CMIP: variants seen among roughly 807,000 people sequenced by gnomAD.
CMIP encodes c-Maf inducing protein.
A neutral mutation model predicts 97.3 loss-of-function variants in CMIP; 13 were observed. That is an observed-to-expected ratio of 0.13 (90% CI 0.09 to 0.21). The LOEUF (loss-of-function observed/expected upper bound fraction) is 0.21, where lower values mean the gene tolerates loss of function less well. Among genes scored for constraint, CMIP ranks in the 10% least tolerant of loss-of-function variants. The pLI is 1.00. For synonymous variants in CMIP, 538 were observed against 436.3 expected (o/e 1.23, Z -2.91); for missense variants, 847 against 1,024.9 (o/e 0.83, Z 2.37).
chr16:81,678,320 G>A lies in CMIP; in HGVS notation c.1080G>A (p.Gln360=), dbSNP rs1195016390. 2 of 1,609,710 alleles carry A rather than the reference G, an allele frequency of 1.2e-6. No individual in the cohort carries two copies. Among genetic ancestry groups the A allele is most frequent in the East Asian group, 4.5e-5 (2 of 44,810 alleles). The change falls in exon 10 of 21, where the codon CAG becomes CAA. Residue 360 remains glutamine (Q), a synonymous_variant. Transcript: ENST00000537098. ...PSLKEIRNGC[Q]QPCDRKPTLP... ...TGAAGGAAATCCGGAACGGCTGCCAGCAGCCGTGCGACCGGAAGCCCACTT... is the reference window on the plus strand; with the variant it reads ...TGAAGGAAATCCGGAACGGCTGCCAACAGCCGTGCGACCGGAAGCCCACTT...
intron 3 of CMIP, among the ~76,000 whole-genome samples, chr16:81,639,937 G>A (rs998290858): frequency 2.0e-5 from 3 of 152,158 alleles, no homozygotes; most frequent in African/African-American, 7.2e-5. Flanking sequence ...GAAGCCCGGG[G>A]ATGTTAGCTG....
intron 1 of CMIP, among the ~76,000 whole-genome samples, chr16:81,561,162 C>G (rs1270128326): frequency 6.6e-6 from 1 of 152,196 alleles, no homozygotes; most frequent in Non-Finnish European, 1.5e-5. Flanking sequence ...ACCATGTTGA[C>G]CAGGCTGGTC....
At chr16:81,540,643 AGTGTGTGTGTGTGTGTGTGTGTGT>A (rs67286788) in intron 1 of CMIP, among the ~76,000 whole-genome samples, 1 of 141,872 alleles carries the variant, frequency 7.0e-6, no homozygotes, top group Non-Finnish European at 1.5e-5. Flanking sequence ...TCTTGTTTTG[AGTGTGTGTGTGTGTGTGTGTGTGT>A]GTGTGTGTGT....
intron 1 of CMIP, among the ~76,000 whole-genome samples, chr16:81,530,643 C>T (rs1008513617): frequency 5.3e-5 from 8 of 152,216 alleles, no homozygotes; most frequent in East Asian, 3.9e-4. Context: ...CTCTCCCGCC[C>T]GCCTCCCACA....
chr16:81,618,893 C>G (rs1334706364), intron 2 of CMIP: 1 of 152,220 alleles, frequency 6.6e-6, no homozygotes, highest in Non-Finnish European at 1.5e-5. Context: ...CTTCGCACAG[C>G]TCTCCCCGAG....
At chr16:81,708,534 T>C (rs1392763945) in intron 20 of CMIP, among the ~76,000 whole-genome samples, 2 of 152,126 alleles carry the variant, frequency 1.3e-5, no homozygotes, top group Admixed American at 6.5e-5. Flanking sequence ...TTTTCACACA[T>C]TTGAGAGAGA....
intron 10 of CMIP, among the ~76,000 whole-genome samples, chr16:81,679,648 C>T (rs1391113668): frequency 1.3e-5 from 2 of 151,824 alleles, no homozygotes; most frequent in South Asian, 2.1e-4. Context: ...CCCGTGGACC[C>T]GGGGCTGCTC....
intron 1 of CMIP, among the ~76,000 whole-genome samples, chr16:81,581,443 C>T (rs1023920603): frequency 1.3e-5 from 2 of 152,156 alleles, no homozygotes; most frequent in African/African-American, 2.4e-5. Context: ...CTACTGAATA[C>T]TGGTGGCAGT....
At chr16:81,667,799 A>AGAGAGAGAGTGAGTGTGTGT in intron 7 of CMIP, among the ~76,000 whole-genome samples, 4 of 58,096 alleles carry the variant, frequency 6.9e-5, no homozygotes, top group African/African-American at 1.4e-4. Context: ...AGAGAGAGAG[A>AGAGAGAGAGTGAGTGTGTGT]GTGTGTGTGT....
intron 3 of CMIP, among the ~76,000 whole-genome samples, chr16:81,629,281 A>G (rs1383774809): frequency 6.6e-6 from 1 of 150,864 alleles, no homozygotes; most frequent in Non-Finnish European, 1.5e-5. Context: ...CACCTCTCCC[A>G]GGCCCGGTGT....
At position 81,652,969 on chromosome 16, in the gene CMIP, C is replaced by G. The variant is rs1055590885; in HGVS notation, c.639+605C>G. ...TCAAGCAAAGACAAGCCCCCTACCC[C>G]CCTGGAGCTTGTGTCCCGGCAGGGG... On this transcript the variant is annotated intron_variant, in intron 4 of 20. Coordinates refer to ENST00000537098, the MANE Select transcript of CMIP (RefSeq NM_198390.3). This position sits in a 1 kb window ranked among gnomAD's most constrained non-coding sequence, Gnocchi z 5.2. Among the ~76,000 whole-genome samples the G allele has an allele frequency of 1.3e-5, 2 of 152,170 alleles. No individual in the cohort carries two copies. The highest frequency in any genetic ancestry group is 2.4e-5 in the African/African-American group (1 of 41,424).
chr16:81,493,368 T>C (rs2089435758), intron 1 of CMIP, among the ~76,000 whole-genome samples: 1 of 150,240 alleles, frequency 6.7e-6, no homozygotes, highest in Non-Finnish European at 1.5e-5. Context: ...TGTCGTTACC[T>C]GTCGTTACCT....
chr16:81,650,230 C>G (rs2092411774), intron 3 of CMIP, among the ~76,000 whole-genome samples: 1 of 152,196 alleles, frequency 6.6e-6, no homozygotes, highest in Non-Finnish European at 1.5e-5. Context: ...GTGAATGTTC[C>G]TGGTCTTTCC....
intron 2 of CMIP, among the ~76,000 whole-genome samples, chr16:81,609,140 G>A (rs767170717): frequency 1.1e-4 from 17 of 152,046 alleles, no homozygotes; most frequent in South Asian, 6.2e-4. Flanking sequence ...TGCCCTCTAC[G>A]CTTTTCTTTT....
chr16:81,532,278 G>A (rs1239987379), intron 1 of CMIP, among the ~76,000 whole-genome samples: 2 of 152,224 alleles, frequency 1.3e-5, no homozygotes, highest in African/African-American at 2.4e-5. Flanking sequence ...GTTCACATTC[G>A]GACGTGTGTT....
intron 1 of CMIP, among the ~76,000 whole-genome samples, chr16:81,559,275 T>C (rs1310625708): frequency 6.6e-6 from 1 of 151,270 alleles, no homozygotes; most frequent in Non-Finnish European, 1.5e-5. Flanking sequence ...CCCCCAAGAG[T>C]GGGGTGAAGG....
chr16:81,528,977 A>G (rs753729018), intron 1 of CMIP, among the ~76,000 whole-genome samples: 3 of 151,360 alleles, frequency 2.0e-5, no homozygotes, highest in Non-Finnish European at 4.4e-5. Context: ...CCATCCCTCC[A>G]TCTATCCGCC....
intron 3 of CMIP, among the ~76,000 whole-genome samples, chr16:81,641,554 G>A (rs2092307032): frequency 6.6e-6 from 1 of 152,194 alleles, no homozygotes; most frequent in Non-Finnish European, 1.5e-5. Flanking sequence ...CTCCTTGCCA[G>A]CCAGGCACGT....
intron 1 of CMIP, among the ~76,000 whole-genome samples, chr16:81,509,035 C>A (rs16955462): frequency 0.16 from 24,716 of 152,216 alleles, 2,898 homozygotes; most frequent in African/African-American, 0.33. Context: ...AGAGCAGCAG[C>A]TTTTATGATG....
Sources: allele counts gnomAD v4.1 joint callset (sites outside exome capture counted in the v4.1 genomes callset), GRCh38; gene constraint gnomAD v4.1.1; non-coding constraint Gnocchi (gnomAD v3.1); transcripts MANE v1.5; gene names NCBI Gene and HGNC (gene_info 2026-07-23, HGNC 2026-07-21).